The following UBN1 variants were observed in gnomAD, a reference collection of about 807,000 sequenced individuals.
UBN1 encodes ubinuclein-1.
A neutral mutation model predicts 108.5 loss-of-function variants in UBN1; 17 were observed. The ratio of observed to expected loss-of-function variants is 0.16; its 90% CI spans 0.11 to 0.24. The LOEUF (loss-of-function observed/expected upper bound fraction) is 0.24, where lower values mean the gene tolerates loss of function less well. Among genes scored for constraint, UBN1 ranks in the 10% least tolerant of loss-of-function variants. The pLI, the probability that UBN1 is intolerant of heterozygous loss-of-function variation, is 1.00. For missense variants in UBN1, 1,595 were observed against 1,394.4 expected (o/e 1.14, Z -2.29); for synonymous variants, 726 against 564.2 (o/e 1.29, Z -4.07).
intron 1 of UBN1, among the ~76,000 whole-genome samples, chr16:4,849,393 G>T (rs75588955): frequency 0.11 from 17,340 of 151,738 alleles, 1,279 homozygotes; most frequent in South Asian, 0.26. Flanking sequence ...ATTCAGGAAG[G>T]GTACTCATTA....
intron 15 of UBN1, among the ~76,000 whole-genome samples, chr16:4,876,453 G>A (rs1318749664): frequency 6.6e-6 from 1 of 151,708 alleles, no homozygotes; most frequent in Non-Finnish European, 1.5e-5. Flanking sequence ...GTGTATGTAT[G>A]TATATAAATA....
chr16:4,857,311 A>G (rs1476697950), intron 2 of UBN1, among the ~76,000 whole-genome samples: 3 of 151,014 alleles, frequency 2.0e-5, no homozygotes, highest in Admixed American at 6.6e-5. Flanking sequence ...TGATTGTGCC[A>G]CTGCACTGCA....
rs1164910619 is a variant in UBN1, at chr16:4,870,358, T to C, written c.1311+17T>C. ...TATGAACAGGTGGGTGACTCTAGAG[T>C]GAAGCCCTTTGGCTTTGGGGTCCTG... On this transcript the variant is annotated intron_variant, in intron 9 of 17. Transcript: ENST00000262376. The C allele has an allele frequency of 6.2e-7, 1 of 1,613,468 alleles. No individual in the cohort carries two copies. The highest frequency in any genetic ancestry group is 8.5e-7 in the Non-Finnish European group (1 of 1,179,716).
intron 15 of UBN1, among the ~76,000 whole-genome samples, 180 bp downstream of exon 15, chr16:4,875,614 C>T (rs909625860): frequency 6.6e-6 from 1 of 152,178 alleles, no homozygotes; most frequent in Non-Finnish European, 1.5e-5. Flanking sequence ...TTTCTGGTGA[C>T]AGGAAGCCCA....
Position 4,859,900 on chromosome 16 carries a change from G to A in UBN1, c.603G>A (p.Lys201=). Residue 201 remains lysine (K), a synonymous_variant, in exon 6 of 18, where the codon AAG becomes AAA. Coordinates refer to ENST00000262376, the MANE Select transcript of UBN1 (RefSeq NM_001079514.3). ...RKLKEGGEKI[K]KKKKDDTYDK... ...TGAAGGAAGGTGGTGAGAAGATAAA[G>A]AAGAAGAAAAAAGATGACACTTATG... The A allele has an allele frequency of 6.2e-7, 1 of 1,614,122 alleles. No individual in the cohort carries two copies. Among genetic ancestry groups the A allele is most frequent in the Non-Finnish European group, 8.5e-7 (1 of 1,179,998 alleles).
chr16:4,875,968 T>C (rs2087862771), intron 15 of UBN1, among the ~76,000 whole-genome samples: 1 of 151,494 alleles, frequency 6.6e-6, no homozygotes, highest in East Asian at 1.9e-4. Flanking sequence ...TTTTCTTTTT[T>C]TTTTTTTTGA....
rs371512889 is a variant in UBN1 at position 4,877,414 on chromosome 16, C to T, written c.3295C>T (p.Pro1099Ser). 9.3e-6 allele frequency: 15 copies of T among 1,612,470 alleles called. No homozygotes were observed. The East Asian group carries it at 1.8e-4, about 19-fold the overall frequency. Residue 1099 changes from proline to serine, a missense_variant, in exon 17 of 18, where the codon CCC becomes TCC. Coordinates refer to ENST00000262376, the MANE Select transcript of UBN1 (RefSeq NM_001079514.3). This position sits in a 1 kb window ranked among gnomAD's most constrained non-coding sequence, Gnocchi z 4.3. ...TCTGGCTGGCTTGCACTCCAGCCCG[C>T]CCCATGCAGCGCCTCTCCCACACGC... ...SLLAGLHSSP[P>S]HAAPLPHAAV...
In UBN1 at chr16:4,874,965, A is replaced by C; in HGVS notation, c.2555A>C (p.Gln852Pro). 1.2e-6 allele frequency: 2 copies of C among 1,614,178 alleles called. No individual in the cohort carries two copies. Among genetic ancestry groups the C allele is most frequent in the South Asian group, 2.2e-5 (2 of 91,088 alleles). ...LQLVKTAAKGQGFHPSAPATS... is the reference protein window; with the variant it reads ...LQLVKTAAKGPGFHPSAPATS... Reference sequence around the variant, plus strand: ...TTAGTGAAGACAGCGGCCAAAGGCCAGGGCTTCCATCCCTCTGCACCAGCC... The same window carrying C: ...TTAGTGAAGACAGCGGCCAAAGGCCCGGGCTTCCATCCCTCTGCACCAGCC... The change falls in exon 15 of 18, where the codon CAG becomes CCG. Residue 852 changes from glutamine (Q) to proline (P), a missense_variant. Physicochemically the swap from Gln to Pro is moderately conservative, Grantham distance 76 (BLOSUM62 -1). Transcript: ENST00000262376.
rs778378243 is a variant in UBN1 at position 4,874,861 on chromosome 16, C to A, written c.2451C>A (p.Phe817Leu). 7 of 1,613,934 alleles carry A rather than the reference C, an allele frequency of 4.3e-6. No homozygotes were observed. Among genetic ancestry groups the A allele is most frequent in the Admixed American group, 1.7e-5 (1 of 60,006 alleles). ...CCGGCACTCAGCAGCAGAAAAACTTCACGCCCCCATCTCCATTTGCCAATA... is the reference window on the plus strand; with the variant it reads ...CCGGCACTCAGCAGCAGAAAAACTTAACGCCCCCATCTCCATTTGCCAATA... ...FHAGTQQQKN[F>L]TPPSPFANKL... is the part of the protein sequence containing the mutation. The change falls in exon 15 of 18, where the codon TTC becomes TTA. Residue 817 changes from phenylalanine (F) to leucine (L), a missense_variant. Coordinates refer to ENST00000262376, the MANE Select transcript of UBN1 (RefSeq NM_001079514.3).
At chr16:4,867,361 T>C (rs544634988) in intron 7 of UBN1, among the ~76,000 whole-genome samples, 2 of 152,144 alleles carry the variant, frequency 1.3e-5, no homozygotes, top group East Asian at 3.9e-4. Flanking sequence ...TCTAACCAAA[T>C]GTGGGTTGAT....
rs2088054711 is a variant in UBN1 at position 4,880,806 on chromosome 16, CATT to C, written c.*676_*678del. The C allele has an allele frequency of 6.5e-6, 1 of 152,704 alleles. No homozygotes were observed. Among genetic ancestry groups the C allele is most frequent in the African/African-American group, 2.4e-5 (1 of 41,444 alleles). 9.5% of individuals were successfully genotyped at this position (152,704 alleles called of 1,614,324 possible). ...CACCTATTTTGGGCTCAGTTTTCAT[CATT>C]ACCATTAAATGCATTGGATAGAAGG... On this transcript the variant is annotated 3_prime_UTR_variant, in exon 18 of 18. Transcript: ENST00000262376.
At chr16:4,860,543 C>A in intron 6 of UBN1, 121 bp from the exon 7 acceptor site, 2 of 1,015,572 alleles carry the variant, frequency 2.0e-6, no homozygotes, top group Non-Finnish European at 2.9e-6. Flanking sequence ...GGAGGAATGA[C>A]AGGGTGGACT....
At position 4,874,616 on chromosome 16, in the gene UBN1, C is replaced by G; in HGVS notation, c.2206C>G (p.Leu736Val). 6.2e-7 allele frequency: 1 copy of G among 1,614,242 alleles called. No homozygotes were observed. Among genetic ancestry groups the G allele is most frequent in the Non-Finnish European group, 8.5e-7 (1 of 1,180,042 alleles). ...PPPASSLQSP[L>V]NFLAEQALAL... ...ACCAGCTAGCTCTCTGCAGTCACCC[C>G]TCAATTTTCTGGCAGAACAGGCTCT... Residue 736 changes from leucine (L) to valine (V), a missense_variant, in exon 15 of 18, where the codon CTC (leucine) becomes GTC (valine). Physicochemically the swap from Leu to Val is conservative, Grantham distance 32. Around this residue, in one of 3 missense-constraint regions of UBN1, gnomAD observed 1,398 missense variants for 1,194.7 expected, o/e 1.17. Transcript: ENST00000262376.
At chr16:4,857,442 T>A (rs750554056) in intron 2 of UBN1, among the ~76,000 whole-genome samples, 1 of 151,784 alleles carries the variant, frequency 6.6e-6, no homozygotes, top group Non-Finnish European at 1.5e-5. Flanking sequence ...GAGAAAAGAA[T>A]AAGCTTATAA....
chr16:4,851,941 A>G (rs139980100), intron 1 of UBN1, among the ~76,000 whole-genome samples: 3 of 152,382 alleles, frequency 2.0e-5, no homozygotes, highest in Non-Finnish European at 2.9e-5. Context: ...TTGTATATCT[A>G]TAATGTATAA....
At chr16:4,867,173 G>C (rs1268909568) in intron 7 of UBN1, among the ~76,000 whole-genome samples, 1 of 152,210 alleles carries the variant, frequency 6.6e-6, no homozygotes, top group Non-Finnish European at 1.5e-5. Flanking sequence ...GAAGGGAGTG[G>C]CGGTCTTAAG....
Position 4,875,449 on chromosome 16 carries a change from TAGC to T in UBN1, c.3024+19_3024+21del. 6.3e-7 allele frequency: 1 copy of T among 1,597,220 alleles called. No homozygotes were observed. The highest frequency in any genetic ancestry group is 8.5e-7 in the Non-Finnish European group (1 of 1,169,898). On this transcript the variant is annotated intron_variant, in intron 15 of 17. Coordinates refer to ENST00000262376, the MANE Select transcript of UBN1 (RefSeq NM_001079514.3). ...CCTCCTTGTCAGTGAGTATCTGTCA[TAGC>T]AGCCTGCCCTGCCCCACTCACAGGG...
chr16:4,851,193 G>A (rs1354428545), intron 1 of UBN1, among the ~76,000 whole-genome samples: 6 of 152,148 alleles, frequency 3.9e-5, no homozygotes, highest in African/African-American at 1.4e-4. Context: ...AAGTAAATGT[G>A]AAAAAATATC....
rs56147531 is a variant in UBN1 at position 4,870,504 on chromosome 16, C to T, written c.1312-12C>T. The T allele has an allele frequency of 1.1e-4, 176 of 1,614,042 alleles. No individual in the cohort carries two copies. The African/African-American group carries it at 1.1e-3, about 10-fold the overall frequency. Reference sequence around the variant, plus strand: ...TGTAAACCTGCCTTGAATTGTGTCCCGCTCTTCGCAGGGGGGCCGTCTGAA... The same window carrying T: ...TGTAAACCTGCCTTGAATTGTGTCCTGCTCTTCGCAGGGGGGCCGTCTGAA... On this transcript the variant is annotated splice_polypyrimidine_tract_variant and intron_variant, in intron 9 of 17. Coordinates refer to ENST00000262376, the MANE Select transcript of UBN1 (RefSeq NM_001079514.3).
Sources: gnomAD v4.1 joint callset for allele counts (sites outside exome capture counted in the v4.1 genomes callset) on GRCh38, gnomAD v4.1.1 for gene constraint, gnomAD v4.1.1 regional missense constraint, Gnocchi (gnomAD v3.1) non-coding constraint, MANE v1.5 for transcripts, NCBI Gene and HGNC (gene_info 2026-07-23, HGNC 2026-07-21) for gene names.